Variants in ELP4 observed in about 807,000 individuals in gnomAD.
ELP4 encodes elongator complex protein 4.
ELP4 carries 51 observed loss-of-function variants against 48.9 expected under a neutral mutation model. The observed-to-expected ratio is 1.04, with a 90% CI of 0.83 to 1.32. ELP4 has a LOEUF of 1.32. ELP4 is among the 40% of genes most tolerant of loss of function. The pLI is 0.00. For missense variants in ELP4, 519 were observed against 514.6 expected, an observed-to-expected ratio of 1.01 and a Z score of -0.08; for synonymous variants, 210 against 189.2, an observed-to-expected ratio of 1.11 and a Z score of -0.90.
intron 9 of ELP4, among the ~76,000 whole-genome samples, chr11:31,724,135 C>A (rs1275985948): frequency 6.6e-6 from 1 of 152,178 alleles, no homozygotes; most frequent in Non-Finnish European, 1.5e-5. Flanking sequence ...GGTTTCCCAT[C>A]AGTTTGTCCT....
At chr11:31,608,299 T>C (rs747946093) in intron 5 of ELP4, among the ~76,000 whole-genome samples, 1 of 152,042 alleles carries the variant, frequency 6.6e-6, no homozygotes, top group Non-Finnish European at 1.5e-5. Context: ...GACAGCCTGA[T>C]TGATGGCTCA....
chr11:31,637,689 A>G (rs967395058), intron 7 of ELP4, among the ~76,000 whole-genome samples: 1 of 152,004 alleles, frequency 6.6e-6, no homozygotes, highest in Non-Finnish European at 1.5e-5. Flanking sequence ...CTAGCAAGAT[A>G]TGAAACAATA....
intron 3 of ELP4, among the ~76,000 whole-genome samples, chr11:31,552,865 T>C (rs185396938): frequency 2.0e-5 from 3 of 152,268 alleles, no homozygotes; most frequent in Admixed American, 2.0e-4. Flanking sequence ...ACCTCATTAC[T>C]TAATATCTCC....
rs1475677976 is a variant in ELP4 at position 31,788,910 on chromosome 11, T to C, written c.*5386T>C. 1 of 201,190 alleles carries C rather than the reference T, an allele frequency of 5.0e-6. No individual in the cohort carries two copies. Among genetic ancestry groups the C allele is most frequent in the Non-Finnish European group, 1.0e-5 (1 of 97,452 alleles). The allele number at this position is 201,190 out of a possible 1,614,324, so 12.5% of individuals were successfully genotyped here. ...AAATAAAATTTGTAACACCACACTATAAGGTTAAAAAGAAAACTGTATAAT... is the reference window on the plus strand; with the variant it reads ...AAATAAAATTTGTAACACCACACTACAAGGTTAAAAAGAAAACTGTATAAT... On this transcript the variant is annotated 3_prime_UTR_variant, in exon 10 of 10. Coordinates refer to ENST00000640961, the MANE Select transcript of ELP4 (RefSeq NM_019040.5).
At chr11:31,624,466 A>G (rs1369347739) in intron 5 of ELP4, among the ~76,000 whole-genome samples, 1 of 151,674 alleles carries the variant, frequency 6.6e-6, no homozygotes. Context: ...CCTGTATAAG[A>G]CACTTACCGA....
At chr11:31,651,334 A>T (rs1053761335) in intron 9 of ELP4, 1 of 151,714 alleles carries the variant, frequency 6.6e-6, no homozygotes, top group African/African-American at 2.4e-5. Context: ...CAATGTCCTT[A>T]ATTATCTAAT....
rs183903766 is a variant in ELP4 at position 31,726,551 on chromosome 11, A to C, written c.1144-56842A>C. Among the ~76,000 whole-genome samples the C allele has an allele frequency of 1.6e-4, 24 of 152,322 alleles. No individual in the cohort carries two copies. The East Asian group carries it at 4.6e-3, about 29-fold the overall frequency. ...ATTCTATCAGATGCTACAAATCAAC[A>C]AAAAATTCTCTGGTCAAATATGCTG... On this transcript the variant is annotated intron_variant, in intron 9 of 9. Transcript: ENST00000640961.
intron 9 of ELP4, among the ~76,000 whole-genome samples, chr11:31,729,115 G>C (rs1947133634): frequency 6.6e-6 from 1 of 152,136 alleles, no homozygotes; most frequent in Non-Finnish European, 1.5e-5. Context: ...TTTTAAACTA[G>C]TGAAACAGAA....
chr11:31,646,217 T>C (rs1445565929), intron 7 of ELP4: 1 of 151,844 alleles, frequency 6.6e-6, no homozygotes, highest in Non-Finnish European at 1.5e-5. Context: ...ACTATGTTTT[T>C]CTATACTTAG....
At chr11:31,630,924 A>G (rs1163669321) in intron 6 of ELP4, among the ~76,000 whole-genome samples, 1 of 152,086 alleles carries the variant, frequency 6.6e-6, no homozygotes, top group Non-Finnish European at 1.5e-5. Context: ...CATCTGGGTA[A>G]CAGAGAAAGA....
chr11:31,644,245 G>A (rs907929786), intron 7 of ELP4, among the ~76,000 whole-genome samples: 1 of 151,786 alleles, frequency 6.6e-6, no homozygotes, highest in Non-Finnish European at 1.5e-5. Flanking sequence ...TACACCATAA[G>A]CATTAATTTA....
intron 9 of ELP4, chr11:31,663,220 CACA>C (rs1489501916): frequency 5.9e-5 from 9 of 151,874 alleles, no homozygotes; most frequent in African/African-American, 1.4e-4. Context: ...GAACCTTAAG[CACA>C]ACATCTTTTA....
At chr11:31,692,040 G>C (rs749252895) in intron 9 of ELP4, among the ~76,000 whole-genome samples, 3 of 152,186 alleles carry the variant, frequency 2.0e-5, no homozygotes, top group Non-Finnish European at 2.9e-5. Context: ...CAACATAACA[G>C]TGAGATGAAA....
chr11:31,538,059 T>A (rs1045294343), intron 2 of ELP4, among the ~76,000 whole-genome samples: 2 of 152,154 alleles, frequency 1.3e-5, no homozygotes, highest in African/African-American at 2.4e-5. Context: ...ACTGTAGAAC[T>A]AATTCATACA....
intron 4 of ELP4, among the ~76,000 whole-genome samples, chr11:31,601,620 A>G (rs1349116776): frequency 4.6e-5 from 7 of 152,192 alleles, no homozygotes; most frequent in Non-Finnish European, 8.8e-5. Flanking sequence ...CTTAAAAAGC[A>G]TACTTTGCTT....
intron 9 of ELP4, among the ~76,000 whole-genome samples, chr11:31,679,428 A>G (rs1480748956): frequency 6.6e-6 from 1 of 152,222 alleles, no homozygotes; most frequent in East Asian, 1.9e-4. Context: ...TCAGAAGTCT[A>G]AAATCAAGAT....
At chr11:31,644,771 G>A (rs1945168543) in intron 7 of ELP4, among the ~76,000 whole-genome samples, 2 of 151,694 alleles carry the variant, frequency 1.3e-5, no homozygotes, top group Admixed American at 6.6e-5. Context: ...ATGAAGCTTG[G>A]AGGTGCAGAA....
At chr11:31,550,414 A>G (rs1215806064) in intron 3 of ELP4, among the ~76,000 whole-genome samples, 1 of 152,178 alleles carries the variant, frequency 6.6e-6, no homozygotes, top group African/African-American at 2.4e-5. Context: ...TGGAATTAAA[A>G]CATAAAACCA....
intron 9 of ELP4, among the ~76,000 whole-genome samples, chr11:31,695,215 G>A (rs1946373877): frequency 1.3e-5 from 2 of 152,218 alleles, no homozygotes; most frequent in South Asian, 4.2e-4. Context: ...TGGTGAGAGA[G>A]GGCATCCCTG....
Sources: allele counts gnomAD v4.1 joint callset (sites outside exome capture counted in the v4.1 genomes callset), GRCh38; gene constraint gnomAD v4.1.1; transcripts MANE v1.5; gene names NCBI Gene and HGNC (gene_info 2026-07-23, HGNC 2026-07-21).